Variants in MYC observed in about 807,000 individuals in gnomAD.
The protein encoded by MYC is MYC proto-oncogene, bHLH transcription factor, also known as myc proto-oncogene protein.
Under a neutral mutation model 30.5 loss-of-function variants are expected in MYC, and 1 was observed. That is an observed-to-expected ratio of 0.03 (90% CI 0.01 to 0.16). MYC has a LOEUF of 0.16. Ranked by LOEUF, MYC falls within the 10% of genes least tolerant of loss-of-function variation. MYC has a pLI of 1.00. For synonymous variants in MYC, 267 were observed against 250.7 expected, an observed-to-expected ratio of 1.07 and a Z score of -0.62; for missense variants, 508 against 589.0, an observed-to-expected ratio of 0.86 and a Z score of 1.42.
In MYC at chr8:127,740,808, C is replaced by A. The variant is rs1277212025; in HGVS notation, c.1215C>A (p.Ala405=). Residue 405 remains alanine (A), a synonymous_variant, in exon 3 of 3, where the codon GCC becomes GCA. Transcript: ENST00000621592. Reference sequence around the variant, plus strand: ...CGGAGTTGGAAAACAATGAAAAGGCCCCCAAGGTAGTTATCCTTAAAAAAG... The same window carrying A: ...CGGAGTTGGAAAACAATGAAAAGGCACCCAAGGTAGTTATCCTTAAAAAAG... The A allele has an allele frequency of 6.2e-7, 1 of 1,614,030 alleles. No individual in the cohort carries two copies. Among genetic ancestry groups the A allele is most frequent in the South Asian group, 1.1e-5 (1 of 91,076 alleles).
At position 127,740,905 on chromosome 8, in the gene MYC, C is replaced by A. The variant is rs1281549559; in HGVS notation, c.1312C>A (p.Arg438=). The change falls in exon 3 of 3, where the codon CGA becomes AGA. Residue 438 remains arginine (R), a synonymous_variant. Transcript: ENST00000621592. ...TTCTGAAGAGGACTTGTTGCGGAAA[C>A]GACGAGAACAGTTGAAACACAAACT... 1.9e-6 allele frequency: 3 copies of A among 1,601,966 alleles called. No homozygotes were observed. The highest frequency in any genetic ancestry group is 1.7e-6 in the Non-Finnish European group (2 of 1,176,138).
chr8:127,737,943 C>A (rs1463279522), intron 1 of MYC, among the ~76,000 whole-genome samples: 1 of 152,200 alleles, frequency 6.6e-6, no homozygotes, highest in East Asian at 1.9e-4. Flanking sequence ...GGGCCGATTT[C>A]GATTCCTCTG....
At chr8:127,735,539 C>T (rs1162771143), upstream of MYC, 4 of 399,044 alleles carry the variant, frequency 1.0e-5, no homozygotes, top group African/African-American at 2.1e-5. Context: ...ATCATTCCTC[C>T]CTATCTACAC....
intron 1 of MYC, among the ~76,000 whole-genome samples, chr8:127,737,248 C>T (rs1384418335): frequency 6.6e-6 from 1 of 152,238 alleles, no homozygotes; most frequent in Non-Finnish European, 1.5e-5. Flanking sequence ...AAACCTGGGT[C>T]TCTAGAGGTG....
Position 127,740,899 on chromosome 8 carries a change from C to A in MYC, c.1306C>A (p.Arg436=). The A allele has an allele frequency of 1.9e-6, 3 of 1,605,168 alleles. No homozygotes were observed. The highest frequency in any genetic ancestry group is 2.5e-6 in the Non-Finnish European group (3 of 1,177,200). ...GCTCATTTCTGAAGAGGACTTGTTG[C>A]GGAAACGACGAGAACAGTTGAAACA... Residue 436 remains arginine, a synonymous_variant, in exon 3 of 3, where the codon CGG becomes AGG. Transcript: ENST00000621592.
At position 127,740,585 on chromosome 8, in the gene MYC, G is replaced by T. The variant is rs772772048; in HGVS notation, c.992G>T (p.Arg331Leu). 6.2e-7 allele frequency: 1 copy of T among 1,613,954 alleles called. No individual in the cohort carries two copies. Among genetic ancestry groups the T allele is most frequent in the Non-Finnish European group, 8.5e-7 (1 of 1,179,994 alleles). ...AACTACGCAGCGCCTCCCTCCACTC[G>T]GAAGGACTATCCTGCTGCCAAGAGG... Residue 331 changes from arginine (R) to leucine (L), a missense_variant, in exon 3 of 3, where the codon CGG (arginine) becomes CTG (leucine). Physicochemically the swap from Arg to Leu is moderately radical, Grantham distance 102. Transcript: ENST00000621592.
chr8:127,735,960 G>T, upstream of MYC: 1 of 114,788 alleles, frequency 8.7e-6, no homozygotes, highest in Non-Finnish European at 1.7e-5. Flanking sequence ...CCCCATAAGC[G>T]CCCCTCCCGG....
rs559856816 is a variant in MYC, at chr8:127,736,280, C to T, written c.-314C>T. On this transcript the variant is annotated 5_prime_UTR_variant, in exon 1 of 3. Coordinates refer to ENST00000621592, the MANE Select transcript of MYC (RefSeq NM_002467.6). Reference sequence around the variant, plus strand: ...GAGGCAGAGGGAGCGAGCGGGCGGCCGGCTAGGGTGGAAGAGCCGGGCGAG... The same window carrying T: ...GAGGCAGAGGGAGCGAGCGGGCGGCTGGCTAGGGTGGAAGAGCCGGGCGAG... 1.9e-6 allele frequency: 1 copy of T among 538,630 alleles called. No homozygotes were observed. The highest frequency in any genetic ancestry group is 3.3e-6 in the Non-Finnish European group (1 of 306,876). 33.4% of individuals were successfully genotyped at this position (538,630 alleles called of 1,614,324 possible).
At chr8:127,736,203 A>G, upstream of MYC, 1 of 499,334 alleles carries the variant, frequency 2.0e-6, no homozygotes, top group Non-Finnish European at 3.5e-6. Context: ...CGCGCTGAGT[A>G]TAAAAGCCGG....
In MYC at chr8:127,742,743, A is replaced by C. The variant is rs1171686446; in HGVS notation, c.*1785A>C. 6.6e-6 allele frequency among the ~76,000 whole-genome samples: 1 copy of C among 152,214 alleles called. No homozygotes were observed. The highest frequency in any genetic ancestry group is 2.4e-5 in the African/African-American group (1 of 41,450). On this transcript the variant is annotated 3_prime_UTR_variant, in exon 3 of 3. Coordinates refer to ENST00000621592, the MANE Select transcript of MYC (RefSeq NM_002467.6). ...ACATGCTCATCCTGAGTCCTTGAAA[A>C]GGTATTTTTGAACATGTGTATTAAT...
rs4645957 is a variant in MYC, at chr8:127,738,014, C to T, written c.31-234C>T. On this transcript the variant is annotated intron_variant, in intron 1 of 2. Transcript: ENST00000621592. The surrounding 1 kb of genome is among the most constrained non-coding windows in gnomAD (Gnocchi z 7.6). ...GGCTCCCGGGGGAGCGGGGGCTCGGCGGGCACCAAGCCGCTGGTTCACTAA... is the reference window on the plus strand; with the variant it reads ...GGCTCCCGGGGGAGCGGGGGCTCGGTGGGCACCAAGCCGCTGGTTCACTAA... Among the ~76,000 whole-genome samples the T allele has an allele frequency of 0.057, 8,608 of 152,060 alleles. 383 individuals carry two copies. Among genetic ancestry groups the T allele is most frequent in the African/African-American group, 0.12 (5,163 of 41,464 alleles).
chr8:127,736,078 G>C (rs999795114), upstream of MYC: 3 of 417,212 alleles, frequency 7.2e-6, no homozygotes, highest in African/African-American at 6.1e-5. Context: ...GGACCCCCGA[G>C]CTGTGCTGCT....
intron 1 of MYC, among the ~76,000 whole-genome samples, chr8:127,737,701 G>A (rs2130089310): frequency 6.6e-6 from 1 of 152,142 alleles, no homozygotes; most frequent in East Asian, 1.9e-4. Flanking sequence ...GGACGGGGGC[G>A]GTGGAGAGGG....
chr8:127,735,789 G>A, upstream of MYC: 1 of 399,250 alleles, frequency 2.5e-6, no homozygotes, highest in East Asian at 3.6e-5. Context: ...CTGCTACGGA[G>A]GAGCAGCAGA....
Position 127,736,566 on chromosome 8 carries a change from A to C in MYC, c.-28A>C. 6.2e-7 allele frequency: 1 copy of C among 1,614,042 alleles called. No homozygotes were observed. Among genetic ancestry groups the C allele is most frequent in the Non-Finnish European group, 8.5e-7 (1 of 1,179,976 alleles). On this transcript the variant is annotated 5_prime_UTR_variant, in exon 1 of 3. Coordinates refer to ENST00000621592, the MANE Select transcript of MYC (RefSeq NM_002467.6). Reference sequence around the variant, plus strand: ...GCCGCTGCCAGGACCCGCTTCTCTGAAAGGCTCTCCTTGCAGCTGCTTAGA... The same window carrying C: ...GCCGCTGCCAGGACCCGCTTCTCTGCAAGGCTCTCCTTGCAGCTGCTTAGA...
rs1391743516 is a variant in MYC, at chr8:127,738,346, G to C, written c.129G>C (p.Glu43Asp). ...AGCCGTATTTCTACTGCGACGAGGA[G>C]GAGAACTTCTACCAGCAGCAGCAGC... The change falls in exon 2 of 3, where the codon GAG becomes GAC. Residue 43 changes from glutamate (E) to aspartate (D), a missense_variant. By Grantham distance (45) the Glu-to-Asp change is conservative (BLOSUM62 2). This residue lies in a region of MYC where 70 missense variants were observed against 84.5 expected (regional missense o/e 0.83). Transcript: ENST00000621592. The surrounding 1 kb of genome is among the most constrained non-coding windows in gnomAD (Gnocchi z 7.6). The C allele has an allele frequency of 2.5e-6, 4 of 1,614,210 alleles. No homozygotes were observed. The highest frequency in any genetic ancestry group is 3.4e-6 in the Non-Finnish European group (4 of 1,180,032).
In MYC at chr8:127,738,943, G is replaced by A. The variant is rs530668928; in HGVS notation, c.726G>A (p.Thr242=). 5 of 1,599,850 alleles carry A rather than the reference G, an allele frequency of 3.1e-6. No individual in the cohort carries two copies. In the East Asian group the frequency reaches 6.7e-5, roughly 21 times the overall value. Residue 242 remains threonine (T), a synonymous_variant, in exon 2 of 3, where the codon ACG becomes ACA. Transcript: ENST00000621592. This position sits in a 1 kb window ranked among gnomAD's most constrained non-coding sequence, Gnocchi z 7.6. ...CCTCGGATTCTCTGCTCTCCTCGACGGAGTCCTCCCCGCAGGGCAGCCCCG... is the reference window on the plus strand; with the variant it reads ...CCTCGGATTCTCTGCTCTCCTCGACAGAGTCCTCCCCGCAGGGCAGCCCCG...
At chr8:127,736,682 T>G (rs1813597109) in intron 1 of MYC, 59 bp downstream of exon 1, 2 of 1,557,384 alleles carry the variant, frequency 1.3e-6, no homozygotes, top group Admixed American at 3.4e-5. Context: ...AATGCTGAGA[T>G]GAGTCGAATG....
chr8:127,739,056 G>T, intron 2 of MYC, 37 bp downstream of exon 2: 1 of 1,449,310 alleles, frequency 6.9e-7, no homozygotes, highest in Non-Finnish European at 9.0e-7. Context: ...AAAAGTGGGC[G>T]GCTGGATACC....
Sources: allele counts gnomAD v4.1 joint callset (sites outside exome capture counted in the v4.1 genomes callset), GRCh38; gene constraint gnomAD v4.1.1; regional missense constraint gnomAD v4.1.1; non-coding constraint Gnocchi (gnomAD v3.1); transcripts MANE v1.5; gene names NCBI Gene and HGNC (gene_info 2026-07-23, HGNC 2026-07-21).